Variants in GPHN observed in about 807,000 individuals in gnomAD.
GPHN encodes gephyrin.
GPHN carries 17 observed loss-of-function variants against 95.5 expected under a neutral mutation model. The ratio of observed to expected loss-of-function variants is 0.18; its 90% CI spans 0.12 to 0.27. The LOEUF is 0.27. GPHN is among the 10% of genes least tolerant of loss of function. GPHN has a pLI of 1.00. For synonymous variants in GPHN, 320 were observed against 322.5 expected (o/e 0.99, Z 0.08); for missense variants, 660 against 978.1 (o/e 0.67, Z 4.34).
the GPHN span, among the ~76,000 whole-genome samples, chr14:67,427,719 C>T: frequency 1.3e-5 from 2 of 152,088 alleles, no homozygotes; most frequent in African/African-American, 4.8e-5. Flanking sequence ...TTAGCCCTTT[C>T]GGGGACACTC....
At chr14:67,571,764 A>G in the GPHN span, 2 of 1,613,942 alleles carry the variant, frequency 1.2e-6, no homozygotes, top group Non-Finnish European at 8.5e-7. Flanking sequence ...AGCTACACAG[A>G]TCAGCAACAT....
At chr14:66,955,502 T>G (rs1052360764) in intron 8 of GPHN, among the ~76,000 whole-genome samples, 7 of 152,186 alleles carry the variant, frequency 4.6e-5, no homozygotes, top group African/African-American at 1.7e-4. Context: ...AATTTGAATC[T>G]TTTTCTCTTT....
At chr14:66,774,538 T>C (rs2059311341) in intron 2 of GPHN, among the ~76,000 whole-genome samples, 1 of 152,232 alleles carries the variant, frequency 6.6e-6, no homozygotes, top group African/African-American at 2.4e-5. Flanking sequence ...GTTGGACATT[T>C]TTATAATATA....
chr14:66,825,726 AG>A (rs1373208426), intron 4 of GPHN, among the ~76,000 whole-genome samples: 2 of 152,228 alleles, frequency 1.3e-5, no homozygotes, highest in African/African-American at 4.8e-5. Context: ...TATTATAATT[AG>A]GGTTTTAAAT....
At chr14:66,998,529 A>G (rs2071971038) in intron 9 of GPHN, among the ~76,000 whole-genome samples, 1 of 152,094 alleles carries the variant, frequency 6.6e-6, no homozygotes, top group African/African-American at 2.4e-5. Context: ...TCAATTTTTC[A>G]TTTGGAAACC....
At chr14:66,724,195 A>G (rs1279811354) in intron 2 of GPHN, among the ~76,000 whole-genome samples, 1 of 152,182 alleles carries the variant, frequency 6.6e-6, no homozygotes, top group Non-Finnish European at 1.5e-5. Flanking sequence ...TAGCTACTCA[A>G]TATGAGGACC....
the GPHN span, among the ~76,000 whole-genome samples, chr14:67,296,323 G>T: frequency 5.3e-5 from 8 of 152,066 alleles, no homozygotes; most frequent in Non-Finnish European, 1.2e-4. Context: ...TCCAGACGCC[G>T]GATGCAGTGG....
chr14:66,731,913 G>A (rs2071801277), intron 2 of GPHN, among the ~76,000 whole-genome samples: 1 of 152,160 alleles, frequency 6.6e-6, no homozygotes, highest in African/African-American at 2.4e-5. Flanking sequence ...GGCTAAAAGG[G>A]GCCAAGGTAC....
intron 5 of GPHN, among the ~76,000 whole-genome samples, chr14:66,908,304 G>A (rs2065485472): frequency 6.6e-6 from 1 of 151,778 alleles, no homozygotes; most frequent in Admixed American, 6.6e-5. Flanking sequence ...ACACACATTG[G>A]CGGGTATATA....
chr14:67,065,338 G>A (rs1231475373), intron 11 of GPHN, among the ~76,000 whole-genome samples: 1 of 152,170 alleles, frequency 6.6e-6, no homozygotes, highest in Non-Finnish European at 1.5e-5. Flanking sequence ...TTGCTGAGGA[G>A]TGCTTTACTT....
the GPHN span, among the ~76,000 whole-genome samples, chr14:67,411,811 G>A: frequency 8.5e-4 from 129 of 152,292 alleles, no homozygotes; most frequent in Middle Eastern, 0.01. Flanking sequence ...TCTCCTCCTT[G>A]CCTGTGCGCT....
the GPHN span, among the ~76,000 whole-genome samples, chr14:67,322,108 C>T: frequency 1.2e-4 from 19 of 152,014 alleles, no homozygotes; most frequent in South Asian, 2.1e-4. Flanking sequence ...AATTTTAGGA[C>T]GCCAATGTGG....
At chr14:67,038,155 A>G (rs2074522251) in intron 10 of GPHN, among the ~76,000 whole-genome samples, 1 of 152,132 alleles carries the variant, frequency 6.6e-6, no homozygotes, top group Non-Finnish European at 1.5e-5. Context: ...CATATGCTAC[A>G]ACATGGATGA....
intron 2 of GPHN, among the ~76,000 whole-genome samples, chr14:66,711,238 T>A (rs1489667406): frequency 6.6e-6 from 1 of 152,198 alleles, no homozygotes; most frequent in African/African-American, 2.4e-5. Context: ...ATCATTCTTA[T>A]GCCTTTGTGT....
intron 5 of GPHN, among the ~76,000 whole-genome samples, chr14:66,891,331 C>T (rs537249237): frequency 6.6e-6 from 1 of 151,794 alleles, no homozygotes; most frequent in Non-Finnish European, 1.5e-5. Flanking sequence ...AAACAAGAGC[C>T]CAGAAATAAG....
the GPHN span, among the ~76,000 whole-genome samples, chr14:67,286,847 C>T: frequency 0.15 from 20,588 of 141,062 alleles, 2,941 homozygotes; most frequent in East Asian, 0.42. Flanking sequence ...CAGAGTGAGA[C>T]CTGGTCTCAA....
the GPHN span, among the ~76,000 whole-genome samples, chr14:67,410,477 G>A: frequency 1.3e-5 from 2 of 152,140 alleles, no homozygotes; most frequent in Non-Finnish European, 2.9e-5. Context: ...CACATGCTGC[G>A]AGAAACCGGC....
chr14:67,653,183 G>A, the GPHN span, among the ~76,000 whole-genome samples: 3 of 152,184 alleles, frequency 2.0e-5, no homozygotes, highest in Non-Finnish European at 2.9e-5. Flanking sequence ...TGTCCTTTCA[G>A]TGGAGAAATT....
chr14:66,729,174 A>G (rs2071530402), intron 2 of GPHN, among the ~76,000 whole-genome samples: 1 of 152,126 alleles, frequency 6.6e-6, no homozygotes, highest in Admixed American at 6.6e-5. Context: ...GCCACATCAA[A>G]CTGTAAGTCC....
Sources: gnomAD v4.1 joint callset for allele counts (sites outside exome capture counted in the v4.1 genomes callset) on GRCh38, gnomAD v4.1.1 for gene constraint, MANE v1.5 for transcripts, NCBI Gene and HGNC (gene_info 2026-07-23, HGNC 2026-07-21) for gene names.